AIG1: variants seen among roughly 807,000 people sequenced by gnomAD.
AIG1 encodes the protein androgen induced 1, also known as androgen-induced gene 1 protein.
Under a neutral mutation model 31.4 loss-of-function variants are expected in AIG1, and 23 were observed. The ratio of observed to expected loss-of-function variants is 0.73; its 90% CI spans 0.53 to 1.04. The LOEUF is 1.04. Ranked by LOEUF, AIG1 falls within the 50% of genes least tolerant of loss-of-function variation. The pLI is 0.00. For missense variants in AIG1, 274 were observed against 295.0 expected (o/e 0.93, Z 0.52); for synonymous variants, 100 against 110.5 (o/e 0.90, Z 0.60).
At chr6:143,337,873 C>T in intron 5 of AIG1, 1 of 398,234 alleles carries the variant, frequency 2.5e-6, no homozygotes, top group Non-Finnish European at 4.4e-6. Flanking sequence ...TGTATCCTGC[C>T]TTCGCTTTGC....
intron 3 of AIG1, among the ~76,000 whole-genome samples, chr6:143,271,796 A>G (rs1796545670): frequency 1.3e-5 from 2 of 152,218 alleles, no homozygotes; most frequent in African/African-American, 2.4e-5. Context: ...CTTTCTTTAC[A>G]TAATAGGAAA....
chr6:143,180,896 A>G (rs1030057527), intron 3 of AIG1, among the ~76,000 whole-genome samples: 19 of 152,174 alleles, frequency 1.2e-4, no homozygotes, highest in African/African-American at 4.6e-4. Context: ...CTTCAATATT[A>G]TTTTGACATT....
At chr6:143,060,577 C>T, upstream of AIG1, 1 of 385,842 alleles carries the variant, frequency 2.6e-6, no homozygotes, top group Non-Finnish European at 5.6e-6. Flanking sequence ...AGGTCGCATC[C>T]ACACCTGGGA....
chr6:143,278,920 C>A (rs1797150252), intron 3 of AIG1, among the ~76,000 whole-genome samples: 1 of 150,796 alleles, frequency 6.6e-6, no homozygotes, highest in South Asian at 2.1e-4. Flanking sequence ...AATGATATTC[C>A]ATTTATGAGA....
At chr6:143,171,774 T>A (rs1365058182) in intron 3 of AIG1, among the ~76,000 whole-genome samples, 2 of 151,780 alleles carry the variant, frequency 1.3e-5, no homozygotes, top group Non-Finnish European at 2.9e-5. Context: ...CCATAGTGGT[T>A]GTACTAGTTT....
intron 3 of AIG1, among the ~76,000 whole-genome samples, chr6:143,222,151 T>C (rs1792570796): frequency 6.6e-6 from 1 of 152,164 alleles, no homozygotes; most frequent in Non-Finnish European, 1.5e-5. Context: ...TTCACCATAA[T>C]GAGGATTATG....
chr6:143,321,931 T>C (rs554087709), intron 4 of AIG1, among the ~76,000 whole-genome samples: 1 of 152,196 alleles, frequency 6.6e-6, no homozygotes, highest in Non-Finnish European at 1.5e-5. Flanking sequence ...CTTCATAGAC[T>C]GCTGTATTCA....
intron 3 of AIG1, among the ~76,000 whole-genome samples, chr6:143,196,605 G>A (rs968513929): frequency 6.6e-6 from 1 of 152,126 alleles, no homozygotes; most frequent in African/African-American, 2.4e-5. Flanking sequence ...TGGAGAAATG[G>A]TTCTCTGACC....
chr6:143,112,004 A>T (rs866636031), intron 1 of AIG1, among the ~76,000 whole-genome samples: 13 of 152,314 alleles, frequency 8.5e-5, no homozygotes, highest in Middle Eastern at 3.4e-3. Context: ...TTTCAAGATG[A>T]TCTTTCCAAA....
intron 2 of AIG1, chr6:143,164,869 C>T (rs1030711746): frequency 2.3e-6 from 1 of 426,834 alleles, no homozygotes; most frequent in African/African-American, 2.0e-5. Flanking sequence ...TGAAAGAACA[C>T]CATTCGGAGA....
intron 1 of AIG1, among the ~76,000 whole-genome samples, chr6:143,071,665 GGTGGTA>G (rs1360846493): frequency 4.0e-5 from 6 of 151,842 alleles, no homozygotes; most frequent in African/African-American, 9.7e-5. Flanking sequence ...TCGTGGTGGT[GGTGGTA>G]GTGGTGGTTC....
intron 4 of AIG1, among the ~76,000 whole-genome samples, chr6:143,320,071 A>G (rs1279839287): frequency 6.6e-6 from 1 of 152,220 alleles, no homozygotes; most frequent in African/African-American, 2.4e-5. Flanking sequence ...AAAGACTTGA[A>G]TAGACATTTC....
intron 3 of AIG1, among the ~76,000 whole-genome samples, chr6:143,231,162 A>T (rs1200921753): frequency 6.6e-6 from 1 of 152,250 alleles, no homozygotes; most frequent in Non-Finnish European, 1.5e-5. Context: ...CTTTATCTTA[A>T]CATCTCTCAC....
intron 1 of AIG1, 66 bp downstream of exon 1, chr6:143,061,132 G>A: frequency 3.2e-6 from 5 of 1,556,856 alleles, no homozygotes; most frequent in Non-Finnish European, 4.4e-6. Context: ...GTGTGTGTGT[G>A]TGTGTGTGTG....
At chr6:143,160,649 T>C (rs1487749058) in intron 2 of AIG1, among the ~76,000 whole-genome samples, 2 of 152,208 alleles carry the variant, frequency 1.3e-5, no homozygotes, top group African/African-American at 4.8e-5. Flanking sequence ...GCTTAGCCTG[T>C]CCAAGAGAAA....
At chr6:143,312,496 G>A (rs529401177) in intron 4 of AIG1, among the ~76,000 whole-genome samples, 9 of 152,044 alleles carry the variant, frequency 5.9e-5, no homozygotes, top group Admixed American at 3.3e-4. Flanking sequence ...TGGGAAAACC[G>A]GATATCCATA....
At chr6:143,236,463 G>A (rs990686089) in intron 3 of AIG1, among the ~76,000 whole-genome samples, 2 of 152,212 alleles carry the variant, frequency 1.3e-5, no homozygotes, top group African/African-American at 4.8e-5. Context: ...CTTGCCATCC[G>A]GCCTATGGCC....
intron 2 of AIG1, among the ~76,000 whole-genome samples, chr6:143,160,220 C>T (rs867797282): frequency 5.3e-5 from 8 of 152,252 alleles, no homozygotes; most frequent in Non-Finnish European, 7.4e-5. Flanking sequence ...TTCTTCATGG[C>T]GAATTTCTCT....
intron 1 of AIG1, among the ~76,000 whole-genome samples, chr6:143,131,734 G>T (rs1386782001): frequency 6.6e-6 from 1 of 152,154 alleles, no homozygotes; most frequent in Non-Finnish European, 1.5e-5. Flanking sequence ...TTTTCTTTTG[G>T]CCTCCACGTA....
Sources: allele counts gnomAD v4.1 joint callset (sites outside exome capture counted in the v4.1 genomes callset), GRCh38; gene constraint gnomAD v4.1.1; transcripts MANE v1.5; gene names NCBI Gene and HGNC (gene_info 2026-07-23, HGNC 2026-07-21).